Variants in SDK2 observed in about 807,000 individuals in gnomAD.
SDK2 encodes protein sidekick-2.
Under a neutral mutation model 253.9 loss-of-function variants are expected in SDK2, and 105 were observed. That is an observed-to-expected ratio of 0.41 (90% CI 0.35 to 0.49). The LOEUF is 0.49. Ranked by LOEUF, SDK2 falls within the 20% of genes least tolerant of loss-of-function variation. The pLI is 0.06. For missense variants in SDK2, 2,608 were observed against 3,003.0 expected (o/e 0.87, Z 3.07); for synonymous variants, 1,249 against 1,234.9 (o/e 1.01, Z -0.24).
chr17:73,546,784 G>A (rs1416868379), intron 1 of SDK2, among the ~76,000 whole-genome samples: 1 of 152,240 alleles, frequency 6.6e-6, no homozygotes, highest in Non-Finnish European at 1.5e-5. Context: ...GATCTGTTGG[G>A]GAAGGTACAT....
At chr17:73,403,898 A>T (rs2063049602) in intron 18 of SDK2, among the ~76,000 whole-genome samples, 1 of 152,194 alleles carries the variant, frequency 6.6e-6, no homozygotes. Flanking sequence ...AACAAGTTTA[A>T]TGTTTTAATT....
chr17:73,348,329 G>GGGGT (rs2062502434), intron 44 of SDK2, among the ~76,000 whole-genome samples: 1 of 152,192 alleles, frequency 6.6e-6, no homozygotes, highest in Non-Finnish European at 1.5e-5. Flanking sequence ...CTAAGCCTGT[G>GGGGT]GGGTGACCCC....
chr17:73,412,195 C>T (rs1206257242), intron 18 of SDK2, among the ~76,000 whole-genome samples: 5 of 148,104 alleles, frequency 3.4e-5, no homozygotes, highest in Non-Finnish European at 7.4e-5. Context: ...CACATACACA[C>T]ATATACATAT....
At chr17:73,369,670 G>GT (rs1375875875) in intron 36 of SDK2, among the ~76,000 whole-genome samples, 1 of 152,208 alleles carries the variant, frequency 6.6e-6, no homozygotes, top group Middle Eastern at 3.2e-3. Context: ...CTTCCTTTCT[G>GT]TTTTTTGAGA....
chr17:73,463,189 C>A (rs950187898), intron 3 of SDK2, among the ~76,000 whole-genome samples: 1 of 152,172 alleles, frequency 6.6e-6, no homozygotes, highest in Non-Finnish European at 1.5e-5. Context: ...GCTAATACGC[C>A]GTGTTATGCC....
rs2062811104 is a variant in SDK2, at chr17:73,379,336, G to T, written c.4865-44C>A. On this transcript the variant is annotated intron_variant, in intron 35 of 44. Transcript: ENST00000392650. This position sits in a 1 kb window ranked among gnomAD's most constrained non-coding sequence, Gnocchi z 4.5. ...AGGCAGTGAGCATGCGAGTAAACCT[G>T]GGAGGGGAGGTGGGCTGGGCGGGAT... The T allele has an allele frequency of 6.7e-7, 1 of 1,494,188 alleles. No individual in the cohort carries two copies. The allele number at this position is 1,494,188 out of a possible 1,614,324, so 92.6% of individuals were successfully genotyped here.
intron 1 of SDK2, among the ~76,000 whole-genome samples, chr17:73,576,511 G>A (rs1030134870): frequency 3.3e-5 from 5 of 152,218 alleles, no homozygotes; most frequent in African/African-American, 1.2e-4. Flanking sequence ...AGTGAGCCAG[G>A]CAGGCTTGCC....
chr17:73,416,968 CAT>C (rs2063187644), intron 16 of SDK2, among the ~76,000 whole-genome samples: 1 of 152,210 alleles, frequency 6.6e-6, no homozygotes, highest in Non-Finnish European at 1.5e-5. Flanking sequence ...AGATGAATCA[CAT>C]GGCCTAGAAA....
chr17:73,341,135 G>A (rs2062433469), intron 44 of SDK2, among the ~76,000 whole-genome samples: 1 of 150,386 alleles, frequency 6.6e-6, no homozygotes, highest in Non-Finnish European at 1.5e-5. Flanking sequence ...CTCCTGCCTC[G>A]GCCTCCCAGT....
intron 2 of SDK2, among the ~76,000 whole-genome samples, chr17:73,489,748 G>T (rs1157080072): frequency 1.3e-5 from 2 of 152,208 alleles, no homozygotes; most frequent in Non-Finnish European, 2.9e-5. Context: ...TATATCTGCT[G>T]CAAGGCTTCA....
At chr17:73,346,957 C>A (rs1418273764) in intron 44 of SDK2, among the ~76,000 whole-genome samples, 1 of 152,228 alleles carries the variant, frequency 6.6e-6, no homozygotes, top group Non-Finnish European at 1.5e-5. Context: ...CATCAGCCCC[C>A]ACTTGAAGGT....
At chr17:73,554,608 T>A (rs994132527) in intron 1 of SDK2, among the ~76,000 whole-genome samples, 8 of 152,202 alleles carry the variant, frequency 5.3e-5, no homozygotes, top group Non-Finnish European at 1.2e-4. Context: ...TCTAGAATTG[T>A]GAGAAAATGA....
intron 21 of SDK2, among the ~76,000 whole-genome samples, chr17:73,400,180 A>G (rs1288171414): frequency 1.3e-5 from 2 of 152,144 alleles, no homozygotes; most frequent in African/African-American, 4.8e-5. Context: ...AACTTCCCAT[A>G]TATACAGATG....
chr17:73,497,177 C>T (rs1386227860), intron 2 of SDK2, among the ~76,000 whole-genome samples: 1 of 152,204 alleles, frequency 6.6e-6, no homozygotes, highest in African/African-American at 2.4e-5. Flanking sequence ...GGATTATAGG[C>T]GTGAGCCACT....
chr17:73,405,510 AT>A (rs55732329), intron 18 of SDK2, among the ~76,000 whole-genome samples: 4,258 of 63,162 alleles, frequency 0.067, 1,183 homozygotes, highest in Non-Finnish European at 0.095. Context: ...ATATATATAT[AT>A]ATATATAAAG....
intron 2 of SDK2, among the ~76,000 whole-genome samples, chr17:73,505,540 T>C (rs899352266): frequency 1.3e-5 from 2 of 151,782 alleles, no homozygotes; most frequent in African/African-American, 4.8e-5. Flanking sequence ...CTGGACCTCA[T>C]CATCGTCAAT....
intron 2 of SDK2, among the ~76,000 whole-genome samples, chr17:73,480,519 G>A (rs1286791442): frequency 5.3e-5 from 8 of 152,176 alleles, no homozygotes; most frequent in Admixed American, 5.2e-4. Context: ...GCATGGAAAG[G>A]GTTGAGGCAA....
intron 2 of SDK2, among the ~76,000 whole-genome samples, chr17:73,485,977 G>GTT (rs2063767252): frequency 1.3e-5 from 2 of 152,240 alleles, no homozygotes; most frequent in Admixed American, 1.3e-4. Flanking sequence ...AGGCCACAGG[G>GTT]TTAGAGGCCA....
At chr17:73,626,510 A>C (rs2046204243) in intron 1 of SDK2, among the ~76,000 whole-genome samples, 1 of 152,216 alleles carries the variant, frequency 6.6e-6, no homozygotes, top group Admixed American at 6.5e-5. Flanking sequence ...TGGATTCAGA[A>C]GCTCCAGCCT....
Sources: gnomAD v4.1 joint callset for allele counts (sites outside exome capture counted in the v4.1 genomes callset) on GRCh38, gnomAD v4.1.1 for gene constraint, Gnocchi (gnomAD v3.1) non-coding constraint, MANE v1.5 for transcripts, NCBI Gene and HGNC (gene_info 2026-07-23, HGNC 2026-07-21) for gene names.